Variants in GAS7 observed in about 807,000 individuals in gnomAD.
GAS7 encodes growth arrest-specific protein 7.
In GAS7, 28 loss-of-function variants were observed where a neutral mutation model predicts 71.1. The observed-to-expected ratio is 0.39, with a 90% confidence interval of 0.29 to 0.54. The LOEUF (loss-of-function observed/expected upper bound fraction) is 0.54. GAS7 is among the 20% of genes least tolerant of loss of function. The pLI is 0.62. For synonymous variants in GAS7, 258 were observed against 245.8 expected (o/e 1.05, Z -0.46); for missense variants, 436 against 627.8 (o/e 0.69, Z 3.27).
intron 1 of GAS7, among the ~76,000 whole-genome samples, chr17:10,190,025 C>T (rs367883203): frequency 1.3e-5 from 2 of 152,122 alleles, no homozygotes; most frequent in African/African-American, 4.8e-5. Flanking sequence ...AAATTTCAGT[C>T]CATAAATAAA....
chr17:10,040,712 C>T (rs1272410996), intron 1 of GAS7, among the ~76,000 whole-genome samples: 1 of 152,134 alleles, frequency 6.6e-6, no homozygotes, highest in Non-Finnish European at 1.5e-5. Context: ...GGGGAGTCCC[C>T]CACCGGCAGC....
intron 2 of GAS7, among the ~76,000 whole-genome samples, chr17:10,010,331 T>C (rs1260465151): frequency 6.6e-6 from 1 of 152,064 alleles, no homozygotes; most frequent in African/African-American, 2.4e-5. Flanking sequence ...TTTGTGTTTT[T>C]TTAGTAGAGA....
intron 2 of GAS7, among the ~76,000 whole-genome samples, chr17:10,011,923 C>T (rs1454830463): frequency 6.8e-6 from 1 of 147,414 alleles, no homozygotes; most frequent in African/African-American, 2.5e-5. Context: ...TTGTGTGGGC[C>T]GAGATTGCAC....
intron 1 of GAS7, among the ~76,000 whole-genome samples, chr17:10,053,502 T>G (rs1320746426): frequency 6.6e-6 from 1 of 152,148 alleles, no homozygotes; most frequent in Non-Finnish European, 1.5e-5. Context: ...CCTGAATGCC[T>G]GGTCACCCTG....
In GAS7 at chr17:9,919,932, C is replaced by A. The variant is rs1337299256; in HGVS notation, c.1139-227G>T. Among the ~76,000 whole-genome samples the A allele has an allele frequency of 2.0e-5, 3 of 151,324 alleles. No homozygotes were observed. Among genetic ancestry groups the A allele is most frequent in the African/African-American group, 7.3e-5 (3 of 41,078 alleles). On this transcript the variant is annotated intron_variant, in intron 11 of 13. Transcript: ENST00000432992. This position sits in a 1 kb window ranked among gnomAD's most constrained non-coding sequence, Gnocchi z 5.0. ...GCTCAGGTGTCCCCCTGAAGCCTGACCCCAGATACCAAGGATTCAGGATGG... is the reference window on the plus strand; with the variant it reads ...GCTCAGGTGTCCCCCTGAAGCCTGAACCCAGATACCAAGGATTCAGGATGG...
intron 1 of GAS7, among the ~76,000 whole-genome samples, chr17:10,124,867 G>A (rs781281343): frequency 4.6e-5 from 7 of 151,994 alleles, no homozygotes; most frequent in Non-Finnish European, 1.0e-4. Context: ...GCAGTGAGCC[G>A]AGTTCGCGCT....
At chr17:10,111,485 A>T (rs1200039410) in intron 1 of GAS7, among the ~76,000 whole-genome samples, 1 of 152,002 alleles carries the variant, frequency 6.6e-6, no homozygotes, top group African/African-American at 2.4e-5. Context: ...GTGAGCCAAG[A>T]CTGTGCCACT....
intron 1 of GAS7, among the ~76,000 whole-genome samples, chr17:10,168,196 C>CTA (rs1486775284): frequency 6.6e-6 from 1 of 152,040 alleles, no homozygotes; most frequent in African/African-American, 2.4e-5. Flanking sequence ...TACATCCATA[C>CTA]TATAGAATAC....
intron 1 of GAS7, among the ~76,000 whole-genome samples, chr17:10,045,784 C>T (rs1296328502): frequency 6.6e-6 from 1 of 152,142 alleles, no homozygotes; most frequent in Non-Finnish European, 1.5e-5. Flanking sequence ...TAAGAGATCC[C>T]ACAGCTTGGT....
intron 1 of GAS7, among the ~76,000 whole-genome samples, chr17:10,188,361 G>T (rs1376512071): frequency 6.6e-6 from 1 of 152,136 alleles, no homozygotes; most frequent in African/African-American, 2.4e-5. Context: ...TGAGGTTGTT[G>T]TTCATCTTGT....
At chr17:9,978,436 G>A (rs1471183550) in intron 3 of GAS7, among the ~76,000 whole-genome samples, 1 of 150,468 alleles carries the variant, frequency 6.6e-6, no homozygotes. Context: ...GATCACTTGA[G>A]ACCAGGAGTT....
chr17:9,970,273 T>C (rs949548888), intron 3 of GAS7, among the ~76,000 whole-genome samples: 2 of 152,204 alleles, frequency 1.3e-5, no homozygotes, highest in African/African-American at 4.8e-5. Context: ...TTAGGCTCTG[T>C]CAATTAATAG....
chr17:10,037,965 A>G (rs1203455614), intron 1 of GAS7, among the ~76,000 whole-genome samples: 3 of 152,186 alleles, frequency 2.0e-5, no homozygotes, highest in Non-Finnish European at 4.4e-5. Context: ...CAATAAGCAC[A>G]TTTAAAGATG....
At chr17:9,973,443 G>A (rs1006025705) in intron 3 of GAS7, among the ~76,000 whole-genome samples, 14 of 152,016 alleles carry the variant, frequency 9.2e-5, no homozygotes, top group African/African-American at 2.9e-4. Context: ...TAGTGGAGAC[G>A]GGGTTTCACT....
At chr17:10,022,009 G>T (rs368178949) in intron 1 of GAS7, among the ~76,000 whole-genome samples, 5 of 152,156 alleles carry the variant, frequency 3.3e-5, no homozygotes, top group African/African-American at 1.2e-4. Context: ...TGTAATCCTA[G>T]CACTTTGGGA....
chr17:10,002,614 A>G (rs138881564), intron 2 of GAS7, among the ~76,000 whole-genome samples: 2,506 of 151,798 alleles, frequency 0.017, 56 homozygotes, highest in East Asian at 0.081. Context: ...CCTGTGTCCA[A>G]GTGTTCTCAT....
intron 5 of GAS7, among the ~76,000 whole-genome samples, chr17:9,958,255 C>T (rs1315951313): frequency 6.6e-6 from 1 of 152,190 alleles, no homozygotes; most frequent in Non-Finnish European, 1.5e-5. Context: ...ACGACTGACA[C>T]TTCATATAGC....
At chr17:9,940,282 C>T (rs1473057641) in intron 7 of GAS7, 82 bp from the exon 8 acceptor site, 4 of 1,003,326 alleles carry the variant, frequency 4.0e-6, no homozygotes, top group African/African-American at 1.6e-5. Flanking sequence ...ACACCTCAGC[C>T]GTGGAAAGGA....
chr17:9,925,322 G>C (rs758676872), intron 11 of GAS7, among the ~76,000 whole-genome samples, 154 bp downstream of exon 11: 1 of 152,210 alleles, frequency 6.6e-6, no homozygotes, highest in Non-Finnish European at 1.5e-5. Context: ...AGAGAGAAGG[G>C]AAGAGGGGGT....
Sources: allele counts gnomAD v4.1 joint callset (sites outside exome capture counted in the v4.1 genomes callset), GRCh38; gene constraint gnomAD v4.1.1; non-coding constraint Gnocchi (gnomAD v3.1); transcripts MANE v1.5; gene names NCBI Gene and HGNC (gene_info 2026-07-23, HGNC 2026-07-21).